Variants in KCNMA1 observed in about 807,000 individuals in gnomAD.
KCNMA1 encodes Calcium-activated potassium channel subunit alpha-1.
KCNMA1 carries 29 observed loss-of-function variants against 140.0 expected under a neutral mutation model. That is an observed-to-expected ratio of 0.21 (90% CI 0.15 to 0.28). The LOEUF (loss-of-function observed/expected upper bound fraction) is 0.28, where lower values mean the gene tolerates loss of function less well. KCNMA1 is among the 10% of genes least tolerant of loss of function. KCNMA1 has a pLI of 1.00. For synonymous variants in KCNMA1, 612 were observed against 611.9 expected (o/e 1.00, Z 0.00); for missense variants, 880 against 1,602.2 (o/e 0.55, Z 7.70).
chr10:76,974,297 C>T (rs546331870), intron 19 of KCNMA1: 4 of 515,206 alleles, frequency 7.8e-6, no homozygotes, highest in African/African-American at 5.9e-5. Flanking sequence ...GGGGTGAGGT[C>T]GTTTTAATTA....
intron 19 of KCNMA1, among the ~76,000 whole-genome samples, chr10:76,998,425 G>C (rs1222146796): frequency 6.6e-6 from 1 of 152,086 alleles, no homozygotes; most frequent in Admixed American, 6.6e-5. Context: ...GGGAAACTGC[G>C]ACCAAAGCAA....
At chr10:76,883,337 C>T (rs776164101), downstream of KCNMA1, among the ~76,000 whole-genome samples, 30 of 152,018 alleles carry the variant, frequency 2.0e-4, no homozygotes, top group South Asian at 6.2e-4. Flanking sequence ...TATTGAGCAC[C>T]GATGGTAAGG....
At chr10:77,472,519 C>CAT (rs1246623934) in intron 1 of KCNMA1, among the ~76,000 whole-genome samples, 20 of 152,072 alleles carry the variant, frequency 1.3e-4, no homozygotes, top group African/African-American at 4.3e-4. Context: ...ACCACACACA[C>CAT]ATACTGTTTA....
intron 3 of KCNMA1, among the ~76,000 whole-genome samples, chr10:77,246,840 GA>G (rs1346082826): frequency 2.0e-5 from 3 of 152,126 alleles, no homozygotes; most frequent in African/African-American, 7.2e-5. Context: ...CCTTGGATGA[GA>G]TGCTCTACAA....
At chr10:77,363,524 T>C (rs2094139593) in intron 2 of KCNMA1, among the ~76,000 whole-genome samples, 1 of 152,216 alleles carries the variant, frequency 6.6e-6, no homozygotes, top group African/African-American at 2.4e-5. Context: ...CTTCATCTAG[T>C]CCTAGTAAAT....
At chr10:77,021,252 T>A (rs2153491671) in intron 16 of KCNMA1, 1 of 152,226 alleles carries the variant, frequency 6.6e-6, no homozygotes, top group East Asian at 1.9e-4. Flanking sequence ...ATCTGTAAAA[T>A]GGGTCCTGGC....
intron 3 of KCNMA1, among the ~76,000 whole-genome samples, chr10:77,211,834 A>C (rs1481344531): frequency 2.0e-5 from 3 of 152,218 alleles, no homozygotes; most frequent in Non-Finnish European, 4.4e-5. Flanking sequence ...GTGGCTAACA[A>C]ACATGAAAAA....
intron 15 of KCNMA1, among the ~76,000 whole-genome samples, chr10:77,033,646 C>A (rs1363659449): frequency 6.6e-6 from 1 of 152,110 alleles, no homozygotes; most frequent in Non-Finnish European, 1.5e-5. Flanking sequence ...GCTACAAGAA[C>A]CCAGTGTTGA....
intron 1 of KCNMA1, among the ~76,000 whole-genome samples, chr10:77,539,833 G>A (rs1301549643): frequency 6.6e-6 from 1 of 152,174 alleles, no homozygotes; most frequent in Admixed American, 6.5e-5. Flanking sequence ...CATTGCTGGG[G>A]AAGCAGTGGG....
intron 2 of KCNMA1, among the ~76,000 whole-genome samples, chr10:77,362,287 C>T (rs2094014669): frequency 6.6e-6 from 1 of 151,840 alleles, no homozygotes; most frequent in Admixed American, 6.6e-5. Context: ...TGACTTAGCC[C>T]CAGGACACAT....
At chr10:77,105,649 G>T (rs1010002739) in intron 9 of KCNMA1, among the ~76,000 whole-genome samples, 4 of 152,180 alleles carry the variant, frequency 2.6e-5, no homozygotes, top group Non-Finnish European at 5.9e-5. Flanking sequence ...CAGAGCACAT[G>T]GACTTATGCA....
intron 19 of KCNMA1, among the ~76,000 whole-genome samples, chr10:76,993,490 G>A (rs1308613515): frequency 6.6e-6 from 1 of 152,230 alleles, no homozygotes; most frequent in Non-Finnish European, 1.5e-5. Flanking sequence ...TTTAAAGACT[G>A]TAACTTCTTG....
At chr10:77,449,344 G>A (rs893237649) in intron 1 of KCNMA1, among the ~76,000 whole-genome samples, 2 of 152,088 alleles carry the variant, frequency 1.3e-5, no homozygotes, top group Admixed American at 1.3e-4. Flanking sequence ...GTTTTGAAAT[G>A]TCAGCAACCA....
chr10:77,466,073 G>C lies in KCNMA1; in HGVS notation c.379-62050C>G, dbSNP rs148044802. ...CCTTGGCGGGAGCATCAGGAACTAAGGCAAAAATAGACCATGAGGCCCAGG... is the reference window on the plus strand; with the variant it reads ...CCTTGGCGGGAGCATCAGGAACTAACGCAAAAATAGACCATGAGGCCCAGG... On this transcript the variant is annotated intron_variant, in intron 1 of 27. Coordinates refer to ENST00000286628, the MANE Select transcript of KCNMA1 (RefSeq NM_001161352.2). Among the ~76,000 whole-genome samples the C allele has an allele frequency of 7.2e-4, 110 of 152,260 alleles. 2 individuals are homozygous for C. In the East Asian group the frequency reaches 0.019, roughly 26 times the overall value.
At chr10:77,606,593 G>C (rs2154567208) in intron 1 of KCNMA1, among the ~76,000 whole-genome samples, 1 of 152,274 alleles carries the variant, frequency 6.6e-6, no homozygotes, top group South Asian at 2.1e-4. Flanking sequence ...CTGGGCAACA[G>C]AGTGAGACTA....
At chr10:77,257,776 G>T (rs1380867309) in intron 2 of KCNMA1, among the ~76,000 whole-genome samples, 5 of 152,154 alleles carry the variant, frequency 3.3e-5, no homozygotes, top group Non-Finnish European at 7.4e-5. Flanking sequence ...TTTATAAAGG[G>T]GAGTTTCCCT....
chr10:76,907,051 C>T (rs748345377), intron 25 of KCNMA1, among the ~76,000 whole-genome samples: 2 of 152,248 alleles, frequency 1.3e-5, no homozygotes, highest in African/African-American at 2.4e-5. Flanking sequence ...CCAAAAGATT[C>T]GATAGTGTAG....
chr10:76,933,719 A>C (rs2059827028), intron 23 of KCNMA1, among the ~76,000 whole-genome samples: 1 of 152,118 alleles, frequency 6.6e-6, no homozygotes, highest in African/African-American at 2.4e-5. Context: ...CATGCATGGG[A>C]CACTGAAAAC....
chr10:77,541,478 G>A (rs1297231026), intron 1 of KCNMA1, among the ~76,000 whole-genome samples: 1 of 152,034 alleles, frequency 6.6e-6, no homozygotes, highest in African/African-American at 2.4e-5. Context: ...GAGAAGTTAG[G>A]TTACTTGTTC....
Sources: allele counts gnomAD v4.1 joint callset (sites outside exome capture counted in the v4.1 genomes callset), GRCh38; gene constraint gnomAD v4.1.1; transcripts MANE v1.5; gene names NCBI Gene and HGNC (gene_info 2026-07-23, HGNC 2026-07-21).